DNER: variants seen among roughly 807,000 people sequenced by gnomAD.
DNER encodes the protein delta/notch like EGF repeat containing.
DNER carries 33 observed loss-of-function variants against 78.2 expected under a neutral mutation model. The ratio of observed to expected loss-of-function variants is 0.42; its 90% CI spans 0.32 to 0.56. DNER has a LOEUF of 0.56. Ranked by LOEUF, DNER falls within the 20% of genes least tolerant of loss-of-function variation. The pLI is 0.11. For missense variants in DNER, 918 were observed against 975.3 expected (o/e 0.94, Z 0.78); for synonymous variants, 417 against 384.8 (o/e 1.08, Z -0.98).
intron 7 of DNER, among the ~76,000 whole-genome samples, chr2:229,476,643 T>C (rs773436033): frequency 1.3e-5 from 2 of 152,180 alleles, no homozygotes; most frequent in Non-Finnish European, 2.9e-5. Context: ...ACCAGCTTGA[T>C]AGCTGTGATT....
intron 1 of DNER, among the ~76,000 whole-genome samples, chr2:229,610,581 C>G: frequency 6.6e-6 from 1 of 152,146 alleles, no homozygotes; most frequent in East Asian, 1.9e-4. Flanking sequence ...GATCAGTCAC[C>G]AGGACTGGGT....
Position 229,547,171 on chromosome 2 carries a change from C to A in DNER, c.848-79G>T, listed in dbSNP as rs75136331. On this transcript the variant is annotated intron_variant, in intron 4 of 12. Coordinates refer to ENST00000341772, the MANE Select transcript of DNER (RefSeq NM_139072.4). ...GTGTGTTGAAAGCTTTACCAACAGC[C>A]TTTCTACAAGACTATGAATTTAGTG... 7.8e-3 allele frequency: 12,163 copies of A among 1,558,852 alleles called. 57 individuals carry two copies. The highest frequency in any genetic ancestry group is 9.4e-3 in the Non-Finnish European group (10,890 of 1,155,032).
intron 10 of DNER, among the ~76,000 whole-genome samples, chr2:229,395,083 TG>T (rs1206808518): frequency 1.3e-5 from 2 of 152,288 alleles, no homozygotes; most frequent in Non-Finnish European, 2.9e-5. Context: ...AGATTCCTCT[TG>T]GGTCCAAAAC....
At chr2:229,484,203 C>T (rs763004018) in intron 6 of DNER, among the ~76,000 whole-genome samples, 21 of 152,182 alleles carry the variant, frequency 1.4e-4, no homozygotes, top group Non-Finnish European at 2.5e-4. Context: ...GCAATAATAT[C>T]GAGAACGGCC....
rs143454342 is a variant in DNER, at chr2:229,514,118, A to G, written c.994-1182T>C. 6.4e-4 allele frequency among the ~76,000 whole-genome samples: 97 copies of G among 152,236 alleles called. 1 individual carries two copies. The East Asian group carries it at 0.015, about 24-fold the overall frequency. On this transcript the variant is annotated intron_variant, in intron 5 of 12. Coordinates refer to ENST00000341772, the MANE Select transcript of DNER (RefSeq NM_139072.4). ...CATTTCTTGATAAATTTACTCCTGAATATTTATGTTTTTGTAGCTATTGAT... is the reference window on the plus strand; with the variant it reads ...CATTTCTTGATAAATTTACTCCTGAGTATTTATGTTTTTGTAGCTATTGAT...
intron 11 of DNER, among the ~76,000 whole-genome samples, chr2:229,381,672 T>A (rs1233778854): frequency 6.6e-6 from 1 of 152,104 alleles, no homozygotes; most frequent in African/African-American, 2.4e-5. Flanking sequence ...GAAGTTTGGA[T>A]TGGACGGAGC....
Position 229,522,656 on chromosome 2 carries a change from T to C in DNER, c.994-9720A>G, listed in dbSNP as rs1696125257. On this transcript the variant is annotated intron_variant, in intron 5 of 12. Coordinates refer to ENST00000341772, the MANE Select transcript of DNER (RefSeq NM_139072.4). The stretch of plus-strand genomic sequence containing the variant: ...TTTAAGAAATGAAAATTGTTATGTA[T>C]AAATTACTAATGAGAAGGGCTGGTT... 1.3e-5 allele frequency among the ~76,000 whole-genome samples: 2 copies of C among 152,176 alleles called. 1 individual carries two copies. The highest frequency in any genetic ancestry group is 3.9e-4 in the East Asian group (2 of 5,194).
intron 4 of DNER, among the ~76,000 whole-genome samples, chr2:229,579,619 G>C (rs937262179): frequency 1.1e-4 from 16 of 152,068 alleles, no homozygotes; most frequent in African/African-American, 3.9e-4. Context: ...TGAGAAGGAT[G>C]CATGGATACA....
chr2:229,577,166 C>T (rs931695777), intron 4 of DNER, among the ~76,000 whole-genome samples: 4 of 152,140 alleles, frequency 2.6e-5, no homozygotes, highest in Non-Finnish European at 4.4e-5. Context: ...AATGTACAAC[C>T]AAGGGGCCAG....
intron 6 of DNER, among the ~76,000 whole-genome samples, chr2:229,480,824 C>A (rs1258343885): frequency 2.0e-5 from 3 of 152,104 alleles, no homozygotes; most frequent in Non-Finnish European, 4.4e-5. Flanking sequence ...GCTTTAAAGT[C>A]TTTATAGTAA....
At chr2:229,620,274 A>G (rs749652567) in intron 1 of DNER, among the ~76,000 whole-genome samples, 3 of 152,246 alleles carry the variant, frequency 2.0e-5, no homozygotes, top group Non-Finnish European at 4.4e-5. Flanking sequence ...CAATTAAGGA[A>G]CTGTCAACAG....
chr2:229,487,351 A>G (rs1009360293), intron 6 of DNER, among the ~76,000 whole-genome samples: 17 of 152,372 alleles, frequency 1.1e-4, no homozygotes, highest in Middle Eastern at 3.4e-3. Flanking sequence ...TCTCTCTAAT[A>G]TAATTCCTTT....
intron 7 of DNER, among the ~76,000 whole-genome samples, chr2:229,475,218 C>T (rs1210769148): frequency 6.6e-6 from 1 of 152,142 alleles, no homozygotes; most frequent in Non-Finnish European, 1.5e-5. Context: ...AATCACATGC[C>T]CATGGGACAA....
chr2:229,454,988 A>G (rs1331740802), intron 7 of DNER, among the ~76,000 whole-genome samples: 2 of 152,160 alleles, frequency 1.3e-5, no homozygotes, highest in Admixed American at 1.3e-4. Flanking sequence ...TGTGAGGTAC[A>G]GCAATTATGA....
At chr2:229,359,801 C>G (rs1692173022) in intron 12 of DNER, among the ~76,000 whole-genome samples, 1 of 152,118 alleles carries the variant, frequency 6.6e-6, no homozygotes. Flanking sequence ...TCATTTTAAA[C>G]AGTCATCAAT....
At chr2:229,485,881 G>A (rs1695259011) in intron 6 of DNER, among the ~76,000 whole-genome samples, 2 of 152,058 alleles carry the variant, frequency 1.3e-5, no homozygotes, top group Non-Finnish European at 1.5e-5. Context: ...TGTTTCTTTG[G>A]AGAGCTGTTC....
intron 6 of DNER, among the ~76,000 whole-genome samples, chr2:229,490,216 G>GT (rs1695370069): frequency 1.3e-5 from 2 of 152,142 alleles, no homozygotes; most frequent in Admixed American, 1.3e-4. Flanking sequence ...CAGAAAGAGG[G>GT]AGACAAGGTT....
intron 1 of DNER, among the ~76,000 whole-genome samples, chr2:229,610,756 T>C (rs891026920): frequency 2.2e-4 from 33 of 152,168 alleles, no homozygotes; most frequent in Admixed American, 2.0e-3. Context: ...ATGATACTTA[T>C]GCATCTTAAA....
chr2:229,619,099 C>T (rs1698212238), intron 1 of DNER, among the ~76,000 whole-genome samples: 1 of 152,088 alleles, frequency 6.6e-6, no homozygotes, highest in Non-Finnish European at 1.5e-5. Flanking sequence ...CATTGTGTCA[C>T]TGCATTCCAG....
Sources: gnomAD v4.1 joint callset for allele counts (sites outside exome capture counted in the v4.1 genomes callset) on GRCh38, gnomAD v4.1.1 for gene constraint, MANE v1.5 for transcripts, NCBI Gene and HGNC (gene_info 2026-07-23, HGNC 2026-07-21) for gene names.